DSCAM: variants seen among roughly 807,000 people sequenced by gnomAD.
The protein encoded by DSCAM is cell adhesion molecule DSCAM.
In DSCAM, 47 loss-of-function variants were observed where a neutral mutation model predicts 217.7. The ratio of observed to expected loss-of-function variants is 0.22; its 90% CI spans 0.17 to 0.28. The LOEUF (loss-of-function observed/expected upper bound fraction) is 0.28, where lower values mean the gene tolerates loss of function less well. Ranked by LOEUF, DSCAM falls within the 10% of genes least tolerant of loss-of-function variation. DSCAM has a pLI of 1.00. For missense variants in DSCAM, 2,080 were observed against 2,618.3 expected (o/e 0.79, Z 4.49); for synonymous variants, 1,056 against 1,015.3 (o/e 1.04, Z -0.76).
intron 1 of DSCAM, among the ~76,000 whole-genome samples, chr21:40,788,399 G>T (rs2091611687): frequency 6.6e-6 from 1 of 152,066 alleles, no homozygotes. Context: ...TTTTTTTAAT[G>T]AGAAAAATAA....
chr21:40,493,678 A>G (rs2076093944), intron 3 of DSCAM, among the ~76,000 whole-genome samples: 1 of 151,680 alleles, frequency 6.6e-6, no homozygotes, highest in Non-Finnish European at 1.5e-5. Context: ...CCTGGCTAAC[A>G]TGGTGAAACC....
chr21:40,822,868 G>A (rs1411047105), intron 1 of DSCAM, among the ~76,000 whole-genome samples: 3 of 152,054 alleles, frequency 2.0e-5, no homozygotes, highest in Admixed American at 2.0e-4. Flanking sequence ...ATAACACTTC[G>A]GCCTGGCTCA....
intron 3 of DSCAM, among the ~76,000 whole-genome samples, chr21:40,600,295 C>T (rs1177302952): frequency 1.3e-5 from 2 of 152,168 alleles, no homozygotes; most frequent in Non-Finnish European, 2.9e-5. Flanking sequence ...AAGATCAGGG[C>T]ACCAGCAGAT....
chr21:40,321,507 T>C (rs1569062270), intron 8 of DSCAM, among the ~76,000 whole-genome samples: 3 of 152,234 alleles, frequency 2.0e-5, no homozygotes, highest in Admixed American at 1.3e-4. Context: ...CTGCTATGTA[T>C]TGTCTACTCC....
chr21:40,403,690 C>A (rs767786358), intron 3 of DSCAM, among the ~76,000 whole-genome samples: 1 of 150,830 alleles, frequency 6.6e-6, no homozygotes, highest in African/African-American at 2.4e-5. Context: ...CTCTGTAGAG[C>A]CATAAATTTC....
intron 1 of DSCAM, among the ~76,000 whole-genome samples, chr21:40,829,638 C>T (rs1018772549): frequency 6.6e-6 from 1 of 152,080 alleles, no homozygotes; most frequent in African/African-American, 2.4e-5. Flanking sequence ...GAGATAGATC[C>T]GTGATGGTAT....
At chr21:40,260,771 C>A (rs2073439194) in intron 11 of DSCAM, among the ~76,000 whole-genome samples, 1 of 152,156 alleles carries the variant, frequency 6.6e-6, no homozygotes, top group Non-Finnish European at 1.5e-5. Context: ...TTATGTGTAG[C>A]TTCTCTTCTT....
chr21:40,106,871 A>G (rs1037429463), intron 20 of DSCAM, among the ~76,000 whole-genome samples: 14 of 148,486 alleles, frequency 9.4e-5, no homozygotes, highest in East Asian at 7.9e-4. Context: ...TTTTTTCTTT[A>G]TTATCCTAGC....
chr21:40,606,893 G>T (rs2089246678), intron 3 of DSCAM, among the ~76,000 whole-genome samples: 1 of 152,182 alleles, frequency 6.6e-6, no homozygotes, highest in Non-Finnish European at 1.5e-5. Flanking sequence ...AGTCTCACAA[G>T]ATCTTATGGT....
chr21:40,364,515 C>A (rs920604886), intron 4 of DSCAM, among the ~76,000 whole-genome samples: 1 of 123,906 alleles, frequency 8.1e-6, no homozygotes, highest in Non-Finnish European at 1.7e-5. Flanking sequence ...ACATCACACA[C>A]CGGGGCCTGT....
Position 40,378,749 on chromosome 21 carries a change from G to A in DSCAM, c.509-9504C>T, listed in dbSNP as rs544640648. Among the ~76,000 whole-genome samples the A allele has an allele frequency of 5.3e-5, 8 of 151,412 alleles. No homozygotes were observed. The East Asian group carries it at 1.6e-3, about 30-fold the overall frequency. On this transcript the variant is annotated intron_variant, in intron 3 of 32. Coordinates refer to ENST00000400454, the MANE Select transcript of DSCAM (RefSeq NM_001389.5). ...TGGGACTACAGGCGCCCGCTACCACGCCCGGCTAATTTTTTTTGTATTTTT... is the reference window on the plus strand; with the variant it reads ...TGGGACTACAGGCGCCCGCTACCACACCCGGCTAATTTTTTTTGTATTTTT...
chr21:40,746,936 G>A (rs923235695), intron 1 of DSCAM, among the ~76,000 whole-genome samples: 2 of 151,814 alleles, frequency 1.3e-5, no homozygotes, highest in African/African-American at 4.8e-5. Context: ...AAAACTTCAT[G>A]GAAATTAAGC....
intron 3 of DSCAM, among the ~76,000 whole-genome samples, chr21:40,589,631 C>T (rs568472065): frequency 6.6e-6 from 1 of 152,242 alleles, no homozygotes; most frequent in East Asian, 1.9e-4. Context: ...TAAATTACCA[C>T]CCTTTTAAGA....
rs1424274127 is a variant in DSCAM at position 40,124,221 on chromosome 21, C to T, written c.3670G>A (p.Val1224Ile). The T allele has an allele frequency of 1.2e-6, 2 of 1,613,860 alleles. No homozygotes were observed. The highest frequency in any genetic ancestry group is 1.1e-5 in the South Asian group (1 of 91,086). ...KLNGIIRKYT[V>I]FCSHPYPTVI... is the part of the protein sequence containing the mutation. ...GTGGGATAGGGGTGGGAGCAGAATA[C>T]AGTGTACTTTCGGATGATGCCGTTC... The change falls in exon 20 of 33, where the codon GTA (valine) becomes ATA (isoleucine). Residue 1224 changes from valine to isoleucine, a missense_variant. Physicochemically the swap from Val to Ile is conservative, Grantham distance 29. This residue lies in a region of DSCAM where 1,144 missense variants were observed against 1,421.1 expected (regional missense o/e 0.81). Coordinates refer to ENST00000400454, the MANE Select transcript of DSCAM (RefSeq NM_001389.5).
intron 8 of DSCAM, among the ~76,000 whole-genome samples, chr21:40,312,797 C>G (rs1468199491): frequency 2.0e-5 from 3 of 152,106 alleles, no homozygotes; most frequent in Non-Finnish European, 4.4e-5. Context: ...TAGGCATATT[C>G]TAAACCCACT....
intron 11 of DSCAM, among the ~76,000 whole-genome samples, chr21:40,263,015 T>G (rs958106560): frequency 6.6e-6 from 1 of 152,242 alleles, no homozygotes; most frequent in Non-Finnish European, 1.5e-5. Flanking sequence ...AATAAGGATG[T>G]GTGCTTAGGC....
At chr21:40,072,409 G>C (rs1235592) in intron 27 of DSCAM, among the ~76,000 whole-genome samples, 149,995 of 150,078 alleles carry the variant, frequency 1, 74,956 homozygotes, top group Middle Eastern at 1. Context: ...TGCAGTGGCG[G>C]GATCTCGGCT....
chr21:40,108,981 C>T (rs1002790380), intron 20 of DSCAM, among the ~76,000 whole-genome samples: 3 of 152,140 alleles, frequency 2.0e-5, no homozygotes, highest in Admixed American at 6.5e-5. Flanking sequence ...CTTCCTTACA[C>T]GATATACAAA....
At chr21:40,461,534 A>G (rs1475680735) in intron 3 of DSCAM, among the ~76,000 whole-genome samples, 1 of 152,094 alleles carries the variant, frequency 6.6e-6, no homozygotes, top group Non-Finnish European at 1.5e-5. Flanking sequence ...CAAGCATTCC[A>G]GCTCTGGGGT....
Sources: gnomAD v4.1 joint callset for allele counts (sites outside exome capture counted in the v4.1 genomes callset) on GRCh38, gnomAD v4.1.1 for gene constraint, gnomAD v4.1.1 regional missense constraint, MANE v1.5 for transcripts, NCBI Gene and HGNC (gene_info 2026-07-23, HGNC 2026-07-21) for gene names.